RPP40: variants seen among roughly 807,000 people sequenced by gnomAD.
RPP40 encodes ribonuclease P protein subunit p40.
In RPP40, 30 loss-of-function variants were observed where a neutral mutation model predicts 42.5. The ratio of observed to expected loss-of-function variants is 0.71; its 90% CI spans 0.53 to 0.96. The LOEUF (loss-of-function observed/expected upper bound fraction) is 0.96. Ranked by LOEUF, RPP40 falls within the 40% of genes least tolerant of loss-of-function variation. The pLI is 0.00. For synonymous variants in RPP40, 173 were observed against 164.0 expected (o/e 1.05, Z -0.42); for missense variants, 426 against 433.5 (o/e 0.98, Z 0.15).
Position 4,995,105 on chromosome 6 carries a change from A to T in RPP40, c.1065T>A (p.Val355=). 6.2e-7 allele frequency: 1 copy of T among 1,613,910 alleles called. No individual in the cohort carries two copies. Among genetic ancestry groups the T allele is most frequent in the Non-Finnish European group, 8.5e-7 (1 of 1,179,878 alleles). Residue 355 remains valine (V), a synonymous_variant, in exon 8 of 8, where the codon GTT becomes GTA. Transcript: ENST00000380051. The stretch of plus-strand genomic sequence containing the variant: ...ATGGTGGACAGTGATCATTTGCCCC[A>T]ACAGCCATCTGAAGCCAATAGTCCT... The part of the protein sequence containing the change: ...NNQDYWLQMA[V]GANDHCPP
rs1433317576 is a variant in RPP40 at position 4,998,767 on chromosome 6, T to C, written c.508A>G (p.Lys170Glu). 3.2e-6 allele frequency: 5 copies of C among 1,557,952 alleles called. No individual in the cohort carries two copies. The Admixed American group carries it at 5.6e-5, about 17-fold the overall frequency. The change falls in exon 5 of 8, where the codon AAA (lysine) becomes GAA (glutamate). Residue 170 changes from lysine to glutamate, a missense_variant. Physicochemically the swap from Lys to Glu is moderately conservative, Grantham distance 56. Coordinates refer to ENST00000380051, the MANE Select transcript of RPP40 (RefSeq NM_006638.4). ...KKYERISWSF[K>E]EKKPLKFDFL... ...TCAAATTTCAATGGCTTCTTTTCTT[T>C]GAAAGACCAAGATATTCTTTCATAC...
In RPP40 at chr6:5,002,256, G is replaced by A. The variant is rs1759585920; in HGVS notation, c.124-11C>T. 6.3e-7 allele frequency: 1 copy of A among 1,599,902 alleles called. No homozygotes were observed. The highest frequency in any genetic ancestry group is 8.5e-7 in the Non-Finnish European group (1 of 1,174,660). Reference sequence around the variant, plus strand: ...AATGAGAAATGAAACCTATTGGAATGTGTAATACAAACAAGGTCTTACTTC... The same window carrying A: ...AATGAGAAATGAAACCTATTGGAATATGTAATACAAACAAGGTCTTACTTC... On this transcript the variant is annotated splice_polypyrimidine_tract_variant and intron_variant, in intron 1 of 7. Coordinates refer to ENST00000380051, the MANE Select transcript of RPP40 (RefSeq NM_006638.4).
Position 4,994,852 on chromosome 6 carries a change from C to G in RPP40, c.*226G>C, listed in dbSNP as rs1759320151. ...CAGTGTACCACATAGTAACCCACAA[C>G]CCTGTGCTTATGTTGACAGAGAGAA... On this transcript the variant is annotated 3_prime_UTR_variant, in exon 8 of 8. Coordinates refer to ENST00000380051, the MANE Select transcript of RPP40 (RefSeq NM_006638.4). 1 of 551,978 alleles carries G rather than the reference C, an allele frequency of 1.8e-6. No individual in the cohort carries two copies. The highest frequency in any genetic ancestry group is 3.1e-5 in the Admixed American group (1 of 31,852). The allele number at this position is 551,978 out of a possible 1,614,324, so 34.2% of individuals were successfully genotyped here.
chr6:4,990,952 C>T (rs1434742065), downstream of RPP40, among the ~76,000 whole-genome samples: 1 of 152,072 alleles, frequency 6.6e-6, no homozygotes, highest in Non-Finnish European at 1.5e-5. Flanking sequence ...CCTAATATTT[C>T]CTTACTATCC....
At chr6:5,000,745 A>G in intron 2 of RPP40, 114 bp from the exon 3 acceptor site, 1 of 707,292 alleles carries the variant, frequency 1.4e-6, no homozygotes, top group Non-Finnish European at 2.5e-6. Flanking sequence ...GTCAGTTTCT[A>G]CCCCTGCTCC....
intron 5 of RPP40, among the ~76,000 whole-genome samples, 185 bp downstream of exon 5, chr6:4,998,531 A>G (rs11759046): frequency 0.11 from 17,080 of 152,264 alleles, 1,080 homozygotes; most frequent in Non-Finnish European, 0.14. Flanking sequence ...CTGCGTGCCT[A>G]CATGATCCTG....
rs761641531 is a variant in RPP40 at position 4,995,295 on chromosome 6, T to C, written c.894-19A>G. On this transcript the variant is annotated intron_variant, in intron 7 of 7. Coordinates refer to ENST00000380051, the MANE Select transcript of RPP40 (RefSeq NM_006638.4). ...GTAGTGACTGAAAAAAAGGTAGTTG[T>C]TAAACAGAGTTTTAAAAGAGAGTTA... The C allele has an allele frequency of 1.3e-6, 2 of 1,577,022 alleles. No homozygotes were observed. Among genetic ancestry groups the C allele is most frequent in the Non-Finnish European group, 8.7e-7 (1 of 1,151,620 alleles).
intron 1 of RPP40, 98 bp downstream of exon 1, chr6:5,003,782 C>T (rs1006111271): frequency 7.0e-7 from 1 of 1,431,352 alleles, no homozygotes; most frequent in Admixed American, 2.6e-5. Context: ...CCGCGTACCG[C>T]CGGCGGCCCC....
At chr6:4,996,509 G>A in intron 5 of RPP40, 89 bp from the exon 6 acceptor site, 1 of 1,202,954 alleles carries the variant, frequency 8.3e-7, no homozygotes, top group Non-Finnish European at 1.2e-6. Flanking sequence ...ATTCCCATCT[G>A]AGCGGTAAGA....
rs762424392 is a variant in RPP40, at chr6:5,000,591, T to C, written c.309A>G (p.Glu103=). The C allele has an allele frequency of 1.3e-6, 2 of 1,591,290 alleles. No individual in the cohort carries two copies. The highest frequency in any genetic ancestry group is 2.2e-5 in the South Asian group (2 of 90,372). Residue 103 remains glutamate, a synonymous_variant, in exon 3 of 8, where the codon GAA becomes GAG. Transcript: ENST00000380051. ...TTGGTAGCAGGGCAACAGTATTATC[T>C]TCATCAATATGTGTATTGTATGTTA... ...YALTYNTHID[E]DNTVALLPNG...
chr6:5,002,035 T>A, intron 2 of RPP40, 66 bp downstream of exon 2: 1 of 1,416,018 alleles, frequency 7.1e-7, no homozygotes, highest in Non-Finnish European at 9.8e-7. Context: ...AGCCCTAGCA[T>A]CGTGATGTGG....
intron 1 of RPP40, among the ~76,000 whole-genome samples, chr6:5,003,010 G>T (rs537574882): frequency 1.3e-5 from 2 of 152,240 alleles, no homozygotes; most frequent in East Asian, 3.9e-4. Flanking sequence ...TTAGTTTCTT[G>T]AAGTCTCTCA....
intron 1 of RPP40, among the ~76,000 whole-genome samples, chr6:5,003,070 C>T (rs1490540707): frequency 6.6e-6 from 1 of 152,134 alleles, no homozygotes; most frequent in Non-Finnish European, 1.5e-5. Flanking sequence ...TCGCTTCGGC[C>T]GGGCGCGGTG....
intron 7 of RPP40, 76 bp from the exon 8 acceptor site, chr6:4,995,352 G>A: frequency 2.0e-6 from 2 of 1,005,714 alleles, no homozygotes; most frequent in Non-Finnish European, 3.0e-6. Context: ...ATTTATTCAG[G>A]ATAAGTAGTA....
chr6:4,989,967 G>A (rs1320467021), downstream of RPP40, among the ~76,000 whole-genome samples: 3 of 152,198 alleles, frequency 2.0e-5, no homozygotes, highest in Admixed American at 1.3e-4. Flanking sequence ...TCAGTACAAT[G>A]TTGAACAGAG....
In RPP40 at chr6:4,996,291, G is replaced by A. The variant is rs558469947; in HGVS notation, c.689C>T (p.Thr230Met). The A allele has an allele frequency of 6.0e-5, 97 of 1,614,086 alleles. No homozygotes were observed. Among genetic ancestry groups the A allele is most frequent in the Admixed American group, 5.0e-4 (30 of 60,032 alleles). The change falls in exon 6 of 8, where the codon ACG (threonine) becomes ATG (methionine). Residue 230 changes from threonine (T) to methionine (M), a missense_variant. Transcript: ENST00000380051. ...PVLQSSELEG[T>M]PEVSCRALEL... ...CAGAGCCCGGCAGGACACCTCTGGCGTTCCCTCCAGCTCGCTGCTCTGCAG... is the reference window on the plus strand; with the variant it reads ...CAGAGCCCGGCAGGACACCTCTGGCATTCCCTCCAGCTCGCTGCTCTGCAG...
chr6:5,001,962 G>A (rs1581325150), intron 2 of RPP40, 139 bp downstream of exon 2: 2 of 687,434 alleles, frequency 2.9e-6, no homozygotes, highest in Non-Finnish European at 4.8e-6. Context: ...AGAATGCGGG[G>A]GAGAACGCGT....
rs118122699 is a variant in RPP40 at position 4,996,772 on chromosome 6, A to C, written c.560-352T>G. 5.1e-4 allele frequency among the ~76,000 whole-genome samples: 77 copies of C among 152,356 alleles called. No individual in the cohort carries two copies. In the East Asian group the frequency reaches 0.014, roughly 29 times the overall value. ...AGTGAACTCCAGAGAGAAGGAGCTT[A>C]TCTGCACAACCTCTATTAAAGAAAA... is the stretch of plus-strand genomic sequence containing the variant. On this transcript the variant is annotated intron_variant, in intron 5 of 7. Transcript: ENST00000380051.
At chr6:5,003,417 G>T (rs574936971) in intron 1 of RPP40, among the ~76,000 whole-genome samples, 5 of 151,642 alleles carry the variant, frequency 3.3e-5, no homozygotes, top group Admixed American at 2.6e-4. Context: ...GCTCTGGTGA[G>T]ATCCACAGGT....
Sources: gnomAD v4.1 joint callset for allele counts (sites outside exome capture counted in the v4.1 genomes callset) on GRCh38, gnomAD v4.1.1 for gene constraint, MANE v1.5 for transcripts, NCBI Gene and HGNC (gene_info 2026-07-23, HGNC 2026-07-21) for gene names.